Variants in RNFT1 observed in about 807,000 individuals in gnomAD.
RNFT1 encodes E3 ubiquitin-protein ligase RNFT1.
A neutral mutation model predicts 53.2 loss-of-function variants in RNFT1; 35 were observed. That is an observed-to-expected ratio of 0.66 (90% confidence interval 0.50 to 0.87). RNFT1 has a LOEUF of 0.87. Among genes scored for constraint, RNFT1 ranks in the 40% least tolerant of loss-of-function variants. RNFT1 has a pLI of 0.00. For missense variants in RNFT1, 421 were observed against 515.0 expected (o/e 0.82, Z 1.77); for synonymous variants, 141 against 172.8 (o/e 0.82, Z 1.44).
rs1410441205 is a variant in RNFT1, at chr17:59,958,352, A to G, written c.785T>C (p.Phe262Ser). The change falls in exon 5 of 9, where the codon TTC becomes TCC. Residue 262 changes from phenylalanine to serine, a missense_variant. Physicochemically the swap from Phe to Ser is radical, Grantham distance 155. Transcript: ENST00000305783. The part of the protein sequence containing the change: ...GITDFILKFF[F>S]MGLKCLILLV... ...TAAAATAAGGCATTTTAAGCCCATG[A>G]AAAAGAATTTCAGAATGAAGTCTGT... 6.2e-7 allele frequency: 1 copy of G among 1,606,296 alleles called. No individual in the cohort carries two copies. The highest frequency in any genetic ancestry group is 1.7e-5 in the Admixed American group (1 of 57,846).
rs1280052976 is a variant in RNFT1, at chr17:59,963,287, A to G, written c.57-3T>C. 5.0e-6 allele frequency: 8 copies of G among 1,596,348 alleles called. 1 individual carries two copies. The highest frequency in any genetic ancestry group is 6.0e-6 in the Non-Finnish European group (7 of 1,171,536). Reference sequence around the variant, plus strand: ...TCTTTGCTTCAGGCCTCTGTCTCCTAAAAAATCAAATAAAAGATATTCTAA... The same window carrying G: ...TCTTTGCTTCAGGCCTCTGTCTCCTGAAAAATCAAATAAAAGATATTCTAA... On this transcript the variant is annotated splice_region_variant and splice_polypyrimidine_tract_variant and intron_variant, in intron 1 of 8. Transcript: ENST00000305783.
chr17:59,957,455 A>T (rs2145116460), intron 5 of RNFT1, 73 bp from the exon 6 acceptor site: 6 of 1,013,230 alleles, frequency 5.9e-6, no homozygotes, highest in Admixed American at 2.5e-5. Context: ...TATTAGACTG[A>T]GAACACTGAG....
chr17:59,955,572 C>T (rs1487422136), intron 7 of RNFT1, among the ~76,000 whole-genome samples: 1 of 152,202 alleles, frequency 6.6e-6, no homozygotes, highest in Admixed American at 6.5e-5. Context: ...GTTGAACTGA[C>T]TTGGACAAAG....
chr17:59,957,707 T>A (rs2045262701), intron 5 of RNFT1, among the ~76,000 whole-genome samples: 1 of 152,072 alleles, frequency 6.6e-6, no homozygotes, highest in Non-Finnish European at 1.5e-5. Context: ...TAACTGGGTG[T>A]GGTGGTGGGC....
In RNFT1 at chr17:59,962,575, C is replaced by A. The variant is rs2045301674; in HGVS notation, c.556G>T (p.Ala186Ser). ...GIGLLTTFMY[A>S]NKSIVNQVFL... ...ACCTGATTTACAATGCTTTTGTTTG[C>A]ATACATAAAAGTTGTTAGCAGCCCA... The change falls in exon 3 of 9, where the codon GCA becomes TCA. Residue 186 changes from alanine to serine, a missense_variant. Physicochemically the swap from Ala to Ser is moderately conservative, Grantham distance 99. Coordinates refer to ENST00000305783, the MANE Select transcript of RNFT1 (RefSeq NM_016125.4). 1 of 1,605,858 alleles carries A rather than the reference C, an allele frequency of 6.2e-7. No homozygotes were observed. The highest frequency in any genetic ancestry group is 2.2e-5 in the East Asian group (1 of 44,706).
At chr17:59,964,571 G>A in intron 1 of RNFT1, 37 bp downstream of exon 1, 1 of 1,561,212 alleles carries the variant, frequency 6.4e-7, no homozygotes. Context: ...GCGGCCCCTC[G>A]CCGCCTCCTC....
chr17:59,956,466 TTAACTGA>T lies in RNFT1; in HGVS notation c.1071+15_1071+21del. The T allele has an allele frequency of 6.3e-7, 1 of 1,584,434 alleles. No individual in the cohort carries two copies. The highest frequency in any genetic ancestry group is 1.7e-4 in the Middle Eastern group (1 of 6,004). ...GTGAAGAAAGGTGAAGGTGTTTTTC[TTAACTGA>T]TAAAAAGTACTTACTGGTTGTGTAA... On this transcript the variant is annotated intron_variant, in intron 7 of 8. Coordinates refer to ENST00000305783, the MANE Select transcript of RNFT1 (RefSeq NM_016125.4).
Position 59,957,340 on chromosome 17 carries a change from G to T in RNFT1, c.889C>A (p.Arg297=). 1.2e-6 allele frequency: 2 copies of T among 1,613,634 alleles called. No homozygotes were observed. The highest frequency in any genetic ancestry group is 1.7e-6 in the Non-Finnish European group (2 of 1,179,890). Residue 297 remains arginine (R), a synonymous_variant, in exon 6 of 9, where the codon CGA becomes AGA. Coordinates refer to ENST00000305783, the MANE Select transcript of RNFT1 (RefSeq NM_016125.4). ...MLLEELCQYY[R]TFVPIPVWFR... ...CAAACTGGTATGGGAACAAAAGTTC[G>T]GTAGTATTGACACAATTCTTCTAAA...
intron 1 of RNFT1, 139 bp from the exon 2 acceptor site, chr17:59,963,423 A>G: frequency 1.4e-6 from 1 of 690,000 alleles, no homozygotes; most frequent in Non-Finnish European, 2.4e-6. Context: ...TTATCACTGG[A>G]CTCCTCCCTT....
chr17:59,964,325 G>A (rs1379043124), intron 1 of RNFT1, among the ~76,000 whole-genome samples: 1 of 152,210 alleles, frequency 6.6e-6, no homozygotes, highest in Non-Finnish European at 1.5e-5. Context: ...CTTTCACCGA[G>A]GCCCCGACGC....
intron 4 of RNFT1, among the ~76,000 whole-genome samples, chr17:59,959,094 C>T (rs2045271277): frequency 6.6e-6 from 1 of 152,200 alleles, no homozygotes; most frequent in South Asian, 2.1e-4. Flanking sequence ...AACCTCTACC[C>T]TGAGTTCATG....
chr17:59,962,582 A>T lies in RNFT1; in HGVS notation c.549T>A (p.Phe183Leu). The T allele has an allele frequency of 6.2e-7, 1 of 1,606,402 alleles. No homozygotes were observed. Among genetic ancestry groups the T allele is most frequent in the South Asian group, 1.1e-5 (1 of 89,152 alleles). ...TTACAATGCTTTTGTTTGCATACAT[A>T]AAAGTTGTTAGCAGCCCAATTCCAA... is the stretch of plus-strand genomic sequence containing the variant. ...ISLGIGLLTTFMYANKSIVNQ... is the reference protein window; with the variant it reads ...ISLGIGLLTTLMYANKSIVNQ... The change falls in exon 3 of 9, where the codon TTT (phenylalanine) becomes TTA (leucine). Residue 183 changes from phenylalanine to leucine, a missense_variant. Transcript: ENST00000305783.
intron 4 of RNFT1, 151 bp downstream of exon 4, chr17:59,959,915 GAA>G (rs1005160916): frequency 0.01 from 4,613 of 447,070 alleles, no homozygotes; most frequent in South Asian, 0.014. Context: ...GTCTCAAAAA[GAA>G]AAAAAAAAAA....
Position 59,953,067 on chromosome 17 carries a change from C to T in RNFT1, c.1218G>A (p.Glu406=). 6.2e-7 allele frequency: 1 copy of T among 1,612,508 alleles called. No homozygotes were observed. The highest frequency in any genetic ancestry group is 8.5e-7 in the Non-Finnish European group (1 of 1,178,714). The change falls in exon 9 of 9, where the codon GAG becomes GAA. Residue 406 remains glutamate (E), a synonymous_variant. Transcript: ENST00000305783. ...CAGTTCTGCAGAGTGGACATGTTTT[C>T]TCTCTGTTAAACCATAAGGTCATGC... is the stretch of plus-strand genomic sequence containing the variant. ...EECMTLWFNR[E]KTCPLCRTVI...
chr17:59,959,888 C>T (rs980859600), intron 4 of RNFT1, 180 bp downstream of exon 4: 15 of 453,938 alleles, frequency 3.3e-5, no homozygotes, highest in Non-Finnish European at 4.9e-5. Context: ...CCAGGCTGGG[C>T]GAGAGAGTGA....
intron 3 of RNFT1, among the ~76,000 whole-genome samples, chr17:59,960,591 G>A (rs1297871248): frequency 1.3e-5 from 2 of 151,576 alleles, no homozygotes; most frequent in Admixed American, 6.6e-5. Flanking sequence ...TCGGCGGATC[G>A]CTTGAGGTCA....
At chr17:59,959,097 A>G (rs890320063) in intron 4 of RNFT1, among the ~76,000 whole-genome samples, 1 of 152,194 alleles carries the variant, frequency 6.6e-6, no homozygotes, top group African/African-American at 2.4e-5. Flanking sequence ...CTCTACCCTG[A>G]GTTCATGACA....
In RNFT1 at chr17:59,956,539, A is replaced by C. The variant is rs767058583; in HGVS notation, c.1020T>G (p.Phe340Leu). ...CCTGTCTGAAAGTTCTCAGATGCCC[A>C]AAAAATTCCAAAAGCTGAAAAGAGA... ...LYLILKLLEFFGHLRTFRQVL... is the reference protein window; with the variant it reads ...LYLILKLLEFLGHLRTFRQVL... Residue 340 changes from phenylalanine to leucine, a missense_variant, in exon 7 of 9, where the codon TTT becomes TTG. Coordinates refer to ENST00000305783, the MANE Select transcript of RNFT1 (RefSeq NM_016125.4). 4.3e-6 allele frequency: 7 copies of C among 1,611,906 alleles called. No homozygotes were observed. The highest frequency in any genetic ancestry group is 2.2e-5 in the East Asian group (1 of 44,746).
intron 8 of RNFT1, among the ~76,000 whole-genome samples, chr17:59,953,509 A>AT (rs2145113695): frequency 6.6e-6 from 1 of 152,282 alleles, no homozygotes; most frequent in South Asian, 2.1e-4. Flanking sequence ...CCTGAAAGGG[A>AT]TTTTGAAGAG....
Sources: gnomAD v4.1 joint callset for allele counts (sites outside exome capture counted in the v4.1 genomes callset) on GRCh38, gnomAD v4.1.1 for gene constraint, MANE v1.5 for transcripts, NCBI Gene and HGNC (gene_info 2026-07-23, HGNC 2026-07-21) for gene names.